BICD1: variants seen among roughly 807,000 people sequenced by gnomAD.
The protein encoded by BICD1 is BICD cargo adaptor 1.
BICD1 carries 35 observed loss-of-function variants against 92.5 expected under a neutral mutation model. That is an observed-to-expected ratio of 0.38 (90% CI 0.29 to 0.50). The LOEUF (loss-of-function observed/expected upper bound fraction) is 0.50, where lower values mean the gene tolerates loss of function less well. Ranked by LOEUF, BICD1 falls within the 20% of genes least tolerant of loss-of-function variation. The pLI is 0.93. For synonymous variants in BICD1, 429 were observed against 465.1 expected, an observed-to-expected ratio of 0.92 and a Z score of 1.00; for missense variants, 950 against 1,189.8, an observed-to-expected ratio of 0.80 and a Z score of 2.97.
intron 4 of BICD1, among the ~76,000 whole-genome samples, chr12:32,321,108 C>T (rs545351949): frequency 6.6e-6 from 1 of 152,108 alleles, no homozygotes; most frequent in East Asian, 1.9e-4. Context: ...GGCAGATCAC[C>T]TGAGGTCAGG....
At chr12:32,187,788 G>T (rs1049381339) in intron 1 of BICD1, among the ~76,000 whole-genome samples, 2 of 152,212 alleles carry the variant, frequency 1.3e-5, no homozygotes, top group African/African-American at 4.8e-5. Flanking sequence ...TATTATTTGG[G>T]TAAGGAATTC....
chr12:32,108,433 A>G, intron 1 of BICD1: 2 of 408,924 alleles, frequency 4.9e-6, no homozygotes, highest in East Asian at 3.8e-5. Flanking sequence ...AGTCACTCTT[A>G]AGAACATACA....
chr12:32,377,553 C>A lies in BICD1; in HGVS notation c.2854C>A (p.Leu952Ile). 1 of 1,614,066 alleles carries A rather than the reference C, an allele frequency of 6.2e-7. No homozygotes were observed. The highest frequency in any genetic ancestry group is 8.5e-7 in the Non-Finnish European group (1 of 1,179,966). The stretch of plus-strand genomic sequence containing the variant: ...TCTCCTTTCCAGTCCTGACACAGCT[C>A]TCCCTGAGGAGCAGCCACATTCCAG... The part of the protein sequence containing the change: ...DCPTVSPDTA[L>I]PEEQPHSSSQ... Residue 952 changes from leucine to isoleucine, a missense_variant, in exon 10 of 10, where the codon CTC (leucine) becomes ATC (isoleucine). Physicochemically the swap from Leu to Ile is conservative, Grantham distance 5 (BLOSUM62 2). Around this residue, in one of 5 missense-constraint regions of BICD1, gnomAD observed 179 missense variants for 186.7 expected, o/e 0.96. Transcript: ENST00000652176.
chr12:32,302,421 T>C (rs3844105), intron 3 of BICD1, among the ~76,000 whole-genome samples: 27,170 of 152,072 alleles, frequency 0.18, 2,556 homozygotes, highest in Non-Finnish European at 0.2. Context: ...GGGAGCCCAC[T>C]AGAGTACAGA....
At chr12:32,356,509 T>C (rs566547614) in intron 8 of BICD1, among the ~76,000 whole-genome samples, 2 of 151,996 alleles carry the variant, frequency 1.3e-5, no homozygotes, top group African/African-American at 4.8e-5. Flanking sequence ...AAAAATTAGC[T>C]GGGCGTAGTG....
At position 32,232,514 on chromosome 12, in the gene BICD1, A is replaced by G. The variant is rs1945922308; in HGVS notation, c.426+16055A>G. Among the ~76,000 whole-genome samples the G allele has an allele frequency of 2.0e-5, 3 of 148,180 alleles. No homozygotes were observed. In the South Asian group the frequency reaches 6.6e-4, roughly 33 times the overall value. ...CCCTTTGTCAGATGAGTAGGTTGCG[A>G]AAATTTTCTCCCATTTTGTAGGTTG... On this transcript the variant is annotated intron_variant, in intron 2 of 9. Transcript: ENST00000652176.
chr12:32,376,842 TG>T (rs1173401424), intron 9 of BICD1, among the ~76,000 whole-genome samples: 2 of 119,164 alleles, frequency 1.7e-5, no homozygotes, highest in Non-Finnish European at 3.3e-5. Flanking sequence ...CACACCAGCC[TG>T]GGCAAAACAA....
intron 1 of BICD1, among the ~76,000 whole-genome samples, chr12:32,164,907 T>C (rs1333471192): frequency 6.6e-6 from 1 of 152,152 alleles, no homozygotes; most frequent in Non-Finnish European, 1.5e-5. Flanking sequence ...TTTAATGAGC[T>C]CCCTGACAAC....
intron 8 of BICD1, among the ~76,000 whole-genome samples, chr12:32,348,079 A>C (rs1488476007): frequency 3.3e-5 from 5 of 152,174 alleles, no homozygotes; most frequent in Admixed American, 3.3e-4. Context: ...ACATCTGATG[A>C]CCATGGTCCT....
chr12:32,343,330 C>G (rs1397026316), intron 8 of BICD1, among the ~76,000 whole-genome samples: 2 of 151,930 alleles, frequency 1.3e-5, no homozygotes, highest in Non-Finnish European at 2.9e-5. Flanking sequence ...CCTCCTCCGT[C>G]CCCTCTTCCT....
At chr12:32,369,552 G>A (rs560390176) in intron 9 of BICD1, among the ~76,000 whole-genome samples, 2 of 152,250 alleles carry the variant, frequency 1.3e-5, no homozygotes, top group African/African-American at 2.4e-5. Flanking sequence ...TCTCAGAGGC[G>A]GTTGTGCAGC....
chr12:32,193,118 A>C (rs965257021), intron 1 of BICD1, among the ~76,000 whole-genome samples: 2 of 152,238 alleles, frequency 1.3e-5, no homozygotes, highest in African/African-American at 4.8e-5. Context: ...GCTGCCAGAC[A>C]GTATTGCCTA....
At chr12:32,164,978 G>C (rs1167632231) in intron 1 of BICD1, among the ~76,000 whole-genome samples, 1 of 152,186 alleles carries the variant, frequency 6.6e-6, no homozygotes, top group Non-Finnish European at 1.5e-5. Context: ...GCCTGACACT[G>C]CCCTAATTAG....
chr12:32,218,256 GA>G (rs1945414300), intron 2 of BICD1, among the ~76,000 whole-genome samples: 2 of 152,154 alleles, frequency 1.3e-5, no homozygotes, highest in Non-Finnish European at 1.5e-5. Context: ...TACAAGTTAG[GA>G]ATGAATGGAG....
At chr12:32,200,507 G>GT (rs1365179571) in intron 1 of BICD1, among the ~76,000 whole-genome samples, 1 of 152,162 alleles carries the variant, frequency 6.6e-6, no homozygotes, top group East Asian at 1.9e-4. Flanking sequence ...CGTTTCTGGT[G>GT]TTTTGCTGCA....
At chr12:32,261,835 A>G (rs901516693) in intron 2 of BICD1, among the ~76,000 whole-genome samples, 1 of 152,194 alleles carries the variant, frequency 6.6e-6, no homozygotes, top group Non-Finnish European at 1.5e-5. Flanking sequence ...CAGAGACCCA[A>G]AAGTGGATTT....
intron 2 of BICD1, among the ~76,000 whole-genome samples, chr12:32,282,768 G>A (rs926778793): frequency 3.3e-5 from 5 of 152,112 alleles, no homozygotes; most frequent in Non-Finnish European, 5.9e-5. Context: ...GAAGCCACAC[G>A]AGAAAGTGTT....
chr12:32,117,735 C>CACACACACAT (rs1268394426), intron 1 of BICD1, among the ~76,000 whole-genome samples: 1 of 134,526 alleles, frequency 7.4e-6, no homozygotes, highest in African/African-American at 2.8e-5. Context: ...CACACACACA[C>CACACACACAT]ATATATATAT....
intron 9 of BICD1, among the ~76,000 whole-genome samples, chr12:32,377,323 G>T (rs7298381): frequency 0.49 from 74,290 of 151,902 alleles, 18,397 homozygotes; most frequent in East Asian, 0.59. Flanking sequence ...AGGGAAGAGT[G>T]CATATATCAT....
Sources: gnomAD v4.1 joint callset for allele counts (sites outside exome capture counted in the v4.1 genomes callset) on GRCh38, gnomAD v4.1.1 for gene constraint, gnomAD v4.1.1 regional missense constraint, MANE v1.5 for transcripts, NCBI Gene and HGNC (gene_info 2026-07-23, HGNC 2026-07-21) for gene names.